The following DPRX variants were observed in gnomAD, a reference collection of about 807,000 sequenced individuals.
DPRX encodes divergent paired-related homeobox.
A neutral mutation model predicts 8.4 loss-of-function variants in DPRX; 11 were observed. That is an observed-to-expected ratio of 1.31 (90% CI 0.82 to 2.17). The LOEUF (loss-of-function observed/expected upper bound fraction) is 2.17, where lower values mean the gene tolerates loss of function less well. DPRX is among the 30% of genes most tolerant of loss of function. The pLI, the probability that DPRX is intolerant of heterozygous loss-of-function variation, is 0.00. For missense variants in DPRX, 211 were observed against 236.7 expected (o/e 0.89, Z 0.71); for synonymous variants, 72 against 87.0 (o/e 0.83, Z 0.96).
At chr19:53,611,856 G>A in the DPRX span, among the ~76,000 whole-genome samples, 3 of 151,862 alleles carry the variant, frequency 2.0e-5, no homozygotes, top group South Asian at 2.1e-4. Flanking sequence ...GGCCGAGGCA[G>A]GTGGATCACC....
intron 1 of DPRX, among the ~76,000 whole-genome samples, chr19:53,632,915 C>T (rs1270763862): frequency 6.6e-6 from 1 of 152,168 alleles, no homozygotes; most frequent in South Asian, 2.1e-4. Flanking sequence ...AGAATATAGG[C>T]TTAGCCAAGC....
At chr19:53,614,437 G>T in the DPRX span, among the ~76,000 whole-genome samples, 1 of 152,058 alleles carries the variant, frequency 6.6e-6, no homozygotes, top group East Asian at 1.9e-4. Flanking sequence ...GGTGGCTCAC[G>T]CCTGTAATCT....
At chr19:53,616,474 A>G in the DPRX span, among the ~76,000 whole-genome samples, 13,322 of 150,486 alleles carry the variant, frequency 0.089, 861 homozygotes, top group African/African-American at 0.17. Flanking sequence ...ACTGTACTGG[A>G]CCTGGCATGG....
exon 3 of DPRX, chr19:53,636,739 A>G: frequency 6.2e-7 from 1 of 1,614,118 alleles, no homozygotes; most frequent in South Asian, 1.1e-5. Context: ...CACTACCCAG[A>G]TTGCCCAACG....
At chr19:53,631,528 C>T (rs532516463), upstream of DPRX, among the ~76,000 whole-genome samples, 22 of 152,042 alleles carry the variant, frequency 1.4e-4, no homozygotes, top group South Asian at 4.4e-3. Context: ...CACCCCAGAC[C>T]GAGTCAGAAA....
upstream of DPRX, among the ~76,000 whole-genome samples, chr19:53,630,237 G>C (rs2091087481): frequency 6.7e-6 from 1 of 149,956 alleles, no homozygotes; most frequent in Admixed American, 6.7e-5. Context: ...AAACTTTCAT[G>C]CTGATCAGTA....
the DPRX span, among the ~76,000 whole-genome samples, chr19:53,612,836 G>A: frequency 3.9e-5 from 6 of 152,132 alleles, no homozygotes; most frequent in African/African-American, 7.2e-5. Flanking sequence ...GGGGTCGGGC[G>A]GACGGGGAAC....
At chr19:53,634,762 C>T in intron 2 of DPRX, 77 bp downstream of exon 2, 2 of 1,516,120 alleles carry the variant, frequency 1.3e-6, no homozygotes, top group Non-Finnish European at 1.8e-6. Flanking sequence ...AGGATAATTC[C>T]TGAGGTCTCA....
upstream of DPRX, among the ~76,000 whole-genome samples, chr19:53,628,027 A>G (rs1488419472): frequency 1.3e-5 from 2 of 151,928 alleles, no homozygotes; most frequent in East Asian, 2.0e-4. Context: ...GTAAGACTCC[A>G]TCTCAAAAAT....
the DPRX span, among the ~76,000 whole-genome samples, chr19:53,605,828 C>T: frequency 1.3e-5 from 2 of 151,564 alleles, no homozygotes; most frequent in Non-Finnish European, 2.9e-5. Flanking sequence ...GCATGCCTGG[C>T]TAACTTTTTT....
chr19:53,610,556 T>A, the DPRX span, among the ~76,000 whole-genome samples: 1 of 152,146 alleles, frequency 6.6e-6, no homozygotes, highest in Non-Finnish European at 1.5e-5. Flanking sequence ...GCTGCAGGTT[T>A]AGTAAATTAT....
chr19:53,617,490 A>G, the DPRX span, among the ~76,000 whole-genome samples: 7 of 150,692 alleles, frequency 4.6e-5, no homozygotes, highest in Admixed American at 2.7e-4. Flanking sequence ...CCCGGGAGGC[A>G]GAGGATGCGG....
At chr19:53,613,824 G>A in the DPRX span, among the ~76,000 whole-genome samples, 5 of 152,070 alleles carry the variant, frequency 3.3e-5, no homozygotes, top group Admixed American at 3.3e-4. Context: ...TAATTCTCAA[G>A]GACCACTTCT....
upstream of DPRX, among the ~76,000 whole-genome samples, chr19:53,627,434 TCTTTC>T (rs1229351881): frequency 2.6e-5 from 2 of 75,682 alleles, no homozygotes; most frequent in South Asian, 4.4e-4. Flanking sequence ...TTTCTTTCTT[TCTTTC>T]TTTTTTTTTT....
At chr19:53,607,823 C>T in the DPRX span, among the ~76,000 whole-genome samples, 2 of 151,120 alleles carry the variant, frequency 1.3e-5, no homozygotes, top group Non-Finnish European at 2.9e-5. Context: ...CGAAATTTGG[C>T]CTGGGCGACA....
chr19:53,636,457 AAACTT>A (rs1001958400), intron 2 of DPRX, 134 bp from the exon 3 acceptor site: 5 of 707,624 alleles, frequency 7.1e-6, no homozygotes, highest in Non-Finnish European at 7.8e-6. Flanking sequence ...GAAAAGTTAA[AAACTT>A]AAAGGTTAAA....
the DPRX span, among the ~76,000 whole-genome samples, chr19:53,621,209 T>C: frequency 1.3e-5 from 2 of 152,096 alleles, no homozygotes; most frequent in East Asian, 3.9e-4. Context: ...TAAGGTTCAC[T>C]AAAGTCCCAA....
At chr19:53,613,458 C>T in the DPRX span, among the ~76,000 whole-genome samples, 1 of 151,942 alleles carries the variant, frequency 6.6e-6, no homozygotes, top group Non-Finnish European at 1.5e-5. Context: ...AGCAATTATC[C>T]TGCCTCAGCC....
At chr19:53,620,454 CTG>C in the DPRX span, among the ~76,000 whole-genome samples, 62 of 151,114 alleles carry the variant, frequency 4.1e-4, no homozygotes, top group Admixed American at 4.0e-3. Flanking sequence ...CCTCTGCCCC[CTG>C]GGTTCAAGAG....
Sources: gnomAD v4.1 joint callset for allele counts (sites outside exome capture counted in the v4.1 genomes callset) on GRCh38, gnomAD v4.1.1 for gene constraint, MANE v1.5 for transcripts, NCBI Gene and HGNC (gene_info 2026-07-23, HGNC 2026-07-21) for gene names.